PLA2G2F: variants seen among roughly 807,000 people sequenced by gnomAD.
PLA2G2F encodes the protein group IIF secretory phospholipase A2.
A neutral mutation model predicts 15.9 loss-of-function variants in PLA2G2F; 17 were observed. That is an observed-to-expected ratio of 1.07 (90% CI 0.73 to 1.60). The LOEUF (loss-of-function observed/expected upper bound fraction) is 1.60, where lower values mean the gene tolerates loss of function less well. Ranked by LOEUF, PLA2G2F falls within the 40% of genes most tolerant of loss-of-function variation. The probability of loss-of-function intolerance (pLI) is 0.00; values close to 1 mark genes in which losing one functional copy is unlikely to be tolerated. For synonymous variants in PLA2G2F, 119 were observed against 106.5 expected (o/e 1.12, Z -0.72); for missense variants, 299 against 278.2 (o/e 1.07, Z -0.53).
rs1353551247 is a variant in PLA2G2F at position 20,143,577 on chromosome 1, G to T, written c.301G>T (p.Asp101Tyr). Residue 101 changes from aspartate (D) to tyrosine (Y), a missense_variant, in exon 3 of 5, where the codon GAT (aspartate) becomes TAT (tyrosine). Transcript: ENST00000375102. ...GCTGGGGGGCCGTGGCCAGCCCAAG[G>T]ATGAGGTGGACTGGTAGGTACCAGA... ...CGLGGRGQPK[D>Y]EVDWCCHAHD... 1 of 1,613,852 alleles carries T rather than the reference G, an allele frequency of 6.2e-7. No homozygotes were observed. Among genetic ancestry groups the T allele is most frequent in the African/African-American group, 1.3e-5 (1 of 74,914 alleles).
intron 2 of PLA2G2F, chr1:20,143,081 T>C (rs773155147): frequency 1.1e-4 from 20 of 175,516 alleles, no homozygotes; most frequent in African/African-American, 1.7e-4. Context: ...CTCAGTCTTC[T>C]CATCTGCACA....
At chr1:20,140,748 GGT>G (rs147741282) in intron 2 of PLA2G2F, 12 of 157,018 alleles carry the variant, frequency 7.6e-5, no homozygotes, top group Admixed American at 1.2e-4. Flanking sequence ...TCTGCAGGAG[GGT>G]GTGTGTGTGT....
chr1:20,146,060 C>A (rs1357812288), intron 4 of PLA2G2F, among the ~76,000 whole-genome samples: 1 of 152,214 alleles, frequency 6.6e-6, no homozygotes, highest in East Asian at 1.9e-4. Flanking sequence ...TTCTCCTGTC[C>A]CCCAAATTCT....
chr1:20,146,022 T>C (rs2017597361), intron 4 of PLA2G2F, among the ~76,000 whole-genome samples: 2 of 152,272 alleles, frequency 1.3e-5, no homozygotes. Flanking sequence ...GGTGCTCTGA[T>C]GCTCCAGTCC....
chr1:20,143,678 G>GT, intron 3 of PLA2G2F, 88 bp downstream of exon 3: 3 of 1,493,002 alleles, frequency 2.0e-6, no homozygotes, highest in Non-Finnish European at 2.7e-6. Context: ...CCTGAGTGGG[G>GT]GAGACCTTCT....
rs760342580 is a variant in PLA2G2F, at chr1:20,149,012, A to T, written c.*611A>T. 1 of 154,316 alleles carries T rather than the reference A, an allele frequency of 6.5e-6. No individual in the cohort carries two copies. Among genetic ancestry groups the T allele is most frequent in the Non-Finnish European group, 1.4e-5 (1 of 69,542 alleles). 9.6% of individuals were successfully genotyped at this position (154,316 alleles called of 1,614,324 possible). On this transcript the variant is annotated 3_prime_UTR_variant, in exon 5 of 5. Coordinates refer to ENST00000375102, the MANE Select transcript of PLA2G2F (RefSeq NM_022819.4). ...CAGGTTCAGACCCTAGGGGATGTGC[A>T]GTGCTGAGTGTCCCAGCCCTGAAGT...
chr1:20,148,619 C>G lies in PLA2G2F; in HGVS notation c.*218C>G, dbSNP rs1002822189. 3 of 593,168 alleles carry G rather than the reference C, an allele frequency of 5.1e-6. No individual in the cohort carries two copies. The highest frequency in any genetic ancestry group is 9.0e-6 in the Non-Finnish European group (3 of 333,000). The allele number at this position is 593,168 out of a possible 1,614,324, so 36.7% of individuals were successfully genotyped here. A position where few individuals can be genotyped will look rare whatever the true frequency, so the allele number is the denominator to read the frequency against. On this transcript the variant is annotated 3_prime_UTR_variant, in exon 5 of 5. Coordinates refer to ENST00000375102, the MANE Select transcript of PLA2G2F (RefSeq NM_022819.4). ...GCATGGGTGCCTCCTGCTGCTGGTT[C>G]TGGACTGGGTGGGAGGCACGGAGCT...
At chr1:20,144,144 C>G (rs535338010) in intron 3 of PLA2G2F, 2 of 200,354 alleles carry the variant, frequency 1.0e-5, no homozygotes, top group Non-Finnish European at 2.0e-5. Context: ...GCCATCCTAC[C>G]AGTCCCTGTT....
chr1:20,139,453 C>T lies in PLA2G2F; in HGVS notation c.26C>T (p.Pro9Leu), dbSNP rs933649651. MADGAKAN[P>L]KGFKKKVLDR... ...ATGGCAGATGGGGCAAAGGCCAACC[C>T]CAAAGGGTTCAAAAAGAAGGTGCTG... The change falls in exon 1 of 5, where the codon CCC (proline) becomes CTC (leucine). Residue 9 changes from proline (P) to leucine (L), a missense_variant. By Grantham distance (98) the Pro-to-Leu change is moderately conservative (BLOSUM62 -3). Transcript: ENST00000375102. 9 of 1,570,804 alleles carry T rather than the reference C, an allele frequency of 5.7e-6. No individual in the cohort carries two copies. The highest frequency in any genetic ancestry group is 1.7e-4 in the Middle Eastern group (1 of 6,022).
chr1:20,144,498 G>A (rs2017543804), intron 3 of PLA2G2F, 82 bp from the exon 4 acceptor site: 1 of 985,192 alleles, frequency 1.0e-6, no homozygotes, highest in South Asian at 1.4e-5. Flanking sequence ...GCGAGAGACT[G>A]GAAGAGATGA....
chr1:20,142,339 C>T (rs2017491583), intron 2 of PLA2G2F: 1 of 152,528 alleles, frequency 6.6e-6, no homozygotes, highest in East Asian at 1.9e-4. Context: ...GGGACCTGGG[C>T]AAGCCTGCAC....
intron 4 of PLA2G2F, among the ~76,000 whole-genome samples, chr1:20,144,950 G>A (rs528590943): frequency 6.6e-6 from 1 of 152,190 alleles, no homozygotes; most frequent in South Asian, 2.1e-4. Flanking sequence ...GGTGGCATGT[G>A]CCAGTAATCC....
chr1:20,143,643 G>A (rs1036898565), intron 3 of PLA2G2F, 53 bp downstream of exon 3: 20 of 1,590,530 alleles, frequency 1.3e-5, no homozygotes, highest in Non-Finnish European at 1.5e-5. Flanking sequence ...GACAGCTGAA[G>A]GTCAGACTGA....
rs1299124723 is a variant in PLA2G2F at position 20,148,743 on chromosome 1, G to T, written c.*342G>T. 3.2e-6 allele frequency: 1 copy of T among 307,750 alleles called. No individual in the cohort carries two copies. The highest frequency in any genetic ancestry group is 6.8e-5 in the East Asian group (1 of 14,634). The allele number at this position is 307,750 out of a possible 1,614,324, so 19.1% of individuals were successfully genotyped here. ...TTGCTGGCGCCAGTTTAACTCCCCGGAGCCTTAGAAAGTCTGAGCCTTAGA... is the reference window on the plus strand; with the variant it reads ...TTGCTGGCGCCAGTTTAACTCCCCGTAGCCTTAGAAAGTCTGAGCCTTAGA... On this transcript the variant is annotated 3_prime_UTR_variant, in exon 5 of 5. Coordinates refer to ENST00000375102, the MANE Select transcript of PLA2G2F (RefSeq NM_022819.4).
chr1:20,147,500 G>A (rs2017636997), intron 4 of PLA2G2F, among the ~76,000 whole-genome samples: 1 of 151,130 alleles, frequency 6.6e-6, no homozygotes, highest in Admixed American at 6.6e-5. Flanking sequence ...CCAGGCTGGA[G>A]TGCAGTGGCA....
chr1:20,140,051 C>T lies in PLA2G2F; in HGVS notation c.117-115C>T, dbSNP rs1036338268. On this transcript the variant is annotated intron_variant, in intron 1 of 4. Coordinates refer to ENST00000375102, the MANE Select transcript of PLA2G2F (RefSeq NM_022819.4). ...ACAGCGCTAGGAGCAGCAACTAGGA[C>T]ATCAAGGGACAGCATTGATGACACC... 1.2e-5 allele frequency: 13 copies of T among 1,088,578 alleles called. No individual in the cohort carries two copies. In the African/African-American group the frequency reaches 1.9e-4, roughly 16 times the overall value. The allele number at this position is 1,088,578 out of a possible 1,614,324, so 67.4% of individuals were successfully genotyped here.
chr1:20,139,605 C>A, intron 1 of PLA2G2F, 62 bp downstream of exon 1: 1 of 1,252,460 alleles, frequency 8.0e-7, no homozygotes, highest in Non-Finnish European at 1.1e-6. Flanking sequence ...GCGTGAGGGA[C>A]TGGCTCCTAG....
Position 20,139,422 on chromosome 1 carries a change from C to G in PLA2G2F, c.-6C>G, listed in dbSNP as rs371086878. ...CCTATGTTGCTGGCCCCCCAGAACC[C>G]GCAACATGGCAGATGGGGCAAAGGC... On this transcript the variant is annotated 5_prime_UTR_variant, in exon 1 of 5. Transcript: ENST00000375102. 3 of 1,552,642 alleles carry G rather than the reference C, an allele frequency of 1.9e-6. No homozygotes were observed. In the South Asian group the frequency reaches 3.6e-5, roughly 18 times the overall value.
intron 2 of PLA2G2F, 130 bp downstream of exon 2, chr1:20,140,348 GTC>G: frequency 1.0e-6 from 1 of 996,314 alleles, no homozygotes; most frequent in East Asian, 2.7e-5. Flanking sequence ...TCTGCTTCTT[GTC>G]TCAGCCCAGC....
Sources: gnomAD v4.1 joint callset for allele counts (sites outside exome capture counted in the v4.1 genomes callset) on GRCh38, gnomAD v4.1.1 for gene constraint, MANE v1.5 for transcripts, NCBI Gene and HGNC (gene_info 2026-07-23, HGNC 2026-07-21) for gene names.